ARHGEF28: variants seen among roughly 807,000 people sequenced by gnomAD.
ARHGEF28 encodes Rho guanine nucleotide exchange factor 28.
A neutral mutation model predicts 206.6 loss-of-function variants in ARHGEF28; 152 were observed. The observed-to-expected ratio is 0.74, with a 90% CI of 0.64 to 0.84. The LOEUF (loss-of-function observed/expected upper bound fraction) is 0.84, where lower values mean the gene tolerates loss of function less well. ARHGEF28 is among the 40% of genes least tolerant of loss of function. The probability of loss-of-function intolerance (pLI) is 0.00; values close to 1 mark genes in which losing one functional copy is unlikely to be tolerated. For missense variants in ARHGEF28, 2,028 were observed against 2,073.2 expected, an observed-to-expected ratio of 0.98 and a Z score of 0.42; for synonymous variants, 763 against 776.4, an observed-to-expected ratio of 0.98 and a Z score of 0.29.
chr5:73,642,932 A>C (rs2112144180), intron 1 of ARHGEF28, among the ~76,000 whole-genome samples: 1 of 152,326 alleles, frequency 6.6e-6, no homozygotes, highest in East Asian at 1.9e-4. Context: ...AAACTTGTAC[A>C]TTTTAATGAC....
At chr5:73,826,291 G>A (rs774664139) in intron 9 of ARHGEF28, among the ~76,000 whole-genome samples, 4 of 152,188 alleles carry the variant, frequency 2.6e-5, no homozygotes, top group Non-Finnish European at 4.4e-5. Context: ...TCTAAAGTAA[G>A]GCTCACCCTT....
intron 1 of ARHGEF28, among the ~76,000 whole-genome samples, chr5:73,635,068 G>T (rs1221327301): frequency 6.6e-6 from 1 of 152,186 alleles, no homozygotes; most frequent in African/African-American, 2.4e-5. Context: ...CATGGGCCGG[G>T]TGCAGTGGCT....
chr5:73,776,758 T>G (rs1753569717), intron 6 of ARHGEF28, 62 bp downstream of exon 6: 2 of 1,461,238 alleles, frequency 1.4e-6, no homozygotes, highest in Non-Finnish European at 1.8e-6. Flanking sequence ...GGCATCAATT[T>G]CTTATTATGA....
At chr5:73,877,684 G>A (rs1760615794) in intron 22 of ARHGEF28, among the ~76,000 whole-genome samples, 2 of 150,824 alleles carry the variant, frequency 1.3e-5, no homozygotes, top group African/African-American at 2.5e-5. Flanking sequence ...TATGTACCCA[G>A]TAGTCATTCA....
At chr5:73,741,379 GTGTGTGTATATATA>G (rs1751396176) in intron 2 of ARHGEF28, among the ~76,000 whole-genome samples, 3 of 37,660 alleles carry the variant, frequency 8.0e-5, no homozygotes, top group African/African-American at 1.4e-4. Flanking sequence ...GTGTGTGTGT[GTGTGTGTATATATA>G]TATATATATA....
intron 11 of ARHGEF28, among the ~76,000 whole-genome samples, chr5:73,845,986 CAAAAAA>C (rs57600570): frequency 0.1 from 6,689 of 63,744 alleles, 235 homozygotes; most frequent in Non-Finnish European, 0.12. Flanking sequence ...AAAACTGTCT[CAAAAAA>C]AAAAAAAAAA....
At chr5:73,737,201 C>T (rs996742974) in intron 2 of ARHGEF28, among the ~76,000 whole-genome samples, 1 of 152,146 alleles carries the variant, frequency 6.6e-6, no homozygotes, top group African/African-American at 2.4e-5. Flanking sequence ...TTTTCTGCCT[C>T]CCTCTCCCCT....
intron 2 of ARHGEF28, among the ~76,000 whole-genome samples, chr5:73,723,644 C>T (rs896845175): frequency 6.6e-6 from 1 of 152,262 alleles, no homozygotes; most frequent in South Asian, 2.1e-4. Flanking sequence ...AACAAAAAAA[C>T]CAGTTCCCCC....
chr5:73,832,085 A>G (rs530210020), intron 9 of ARHGEF28, among the ~76,000 whole-genome samples: 73 of 152,340 alleles, frequency 4.8e-4, no homozygotes, highest in African/African-American at 1.7e-3. Flanking sequence ...AAAGGCCTCT[A>G]ATGATGGGGA....
In ARHGEF28 at chr5:73,878,544, A is replaced by AT. The variant is rs1272364379; in HGVS notation, c.2815-3924dup. Reference sequence around the variant, plus strand: ...TCGATGGTCTTTACATTTTGGCATGATTTTGCAGCGGCTGGTACCGGTTGT... The same window carrying AT: ...TCGATGGTCTTTACATTTTGGCATGATTTTTGCAGCGGCTGGTACCGGTTGT... On this transcript the variant is annotated intron_variant, in intron 22 of 35. Transcript: ENST00000513042. Among the ~76,000 whole-genome samples, 4 of 151,062 alleles carry AT rather than the reference A, an allele frequency of 2.6e-5. No homozygotes were observed. The East Asian group carries it at 5.8e-4, about 22-fold the overall frequency.
chr5:73,753,953 G>A (rs1580570606), intron 4 of ARHGEF28, among the ~76,000 whole-genome samples: 1 of 152,170 alleles, frequency 6.6e-6, no homozygotes, highest in Admixed American at 6.5e-5. Context: ...ACAGGCATGA[G>A]CCCACGTGTC....
chr5:73,840,381 C>T (rs1757912064), intron 10 of ARHGEF28, 99 bp from the exon 11 acceptor site: 1 of 1,265,206 alleles, frequency 7.9e-7, no homozygotes, highest in Non-Finnish European at 1.1e-6. Context: ...TCCTACCACG[C>T]CTGGCCAGAA....
At chr5:73,816,974 TG>T (rs758610697) in intron 9 of ARHGEF28, among the ~76,000 whole-genome samples, 66 of 152,360 alleles carry the variant, frequency 4.3e-4, no homozygotes, top group South Asian at 2.7e-3. Flanking sequence ...GTTTTGTTTT[TG>T]TTTTTTTTAA....
intron 1 of ARHGEF28, among the ~76,000 whole-genome samples, chr5:73,662,253 A>T (rs1392365277): frequency 6.6e-6 from 1 of 152,216 alleles, no homozygotes; most frequent in Non-Finnish European, 1.5e-5. Flanking sequence ...CATTGGCCAA[A>T]ATATTGAGCT....
At chr5:73,700,130 A>G (rs542406101) in intron 2 of ARHGEF28, among the ~76,000 whole-genome samples, 11 of 152,332 alleles carry the variant, frequency 7.2e-5, no homozygotes, top group African/African-American at 2.6e-4. Context: ...AGTTGGTTAG[A>G]TCAATTATCT....
At chr5:73,794,504 G>A (rs1381975482) in intron 8 of ARHGEF28, 50 bp downstream of exon 8, 1 of 1,432,536 alleles carries the variant, frequency 7.0e-7, no homozygotes, top group Admixed American at 2.0e-5. Flanking sequence ...CCATAAAGTA[G>A]AAATGAAGAT....
chr5:73,819,481 C>T (rs539907675), intron 9 of ARHGEF28, among the ~76,000 whole-genome samples: 1 of 152,268 alleles, frequency 6.6e-6, no homozygotes, highest in Admixed American at 6.5e-5. Context: ...CGGAATCCTT[C>T]CTTGGGATTA....
intron 9 of ARHGEF28, among the ~76,000 whole-genome samples, chr5:73,802,206 A>C (rs185071894): frequency 6.6e-6 from 1 of 151,282 alleles, no homozygotes; most frequent in African/African-American, 2.4e-5. Context: ...TCAATTTATG[A>C]GATGATTAAA....
intron 10 of ARHGEF28, among the ~76,000 whole-genome samples, chr5:73,840,258 C>T (rs895867278): frequency 5.3e-5 from 8 of 152,194 alleles, no homozygotes; most frequent in East Asian, 1.9e-4. Context: ...GGATTACAGG[C>T]GCCCGCCACC....
Sources: gnomAD v4.1 joint callset for allele counts (sites outside exome capture counted in the v4.1 genomes callset) on GRCh38, gnomAD v4.1.1 for gene constraint, MANE v1.5 for transcripts, NCBI Gene and HGNC (gene_info 2026-07-23, HGNC 2026-07-21) for gene names.